The following CSMD3 variants were observed in gnomAD, a reference collection of about 807,000 sequenced individuals.
CSMD3 encodes CUB and sushi domain-containing protein 3.
In CSMD3, 177 loss-of-function variants were observed where a neutral mutation model predicts 435.2. The observed-to-expected ratio is 0.41, with a 90% CI of 0.36 to 0.46. The LOEUF (loss-of-function observed/expected upper bound fraction) is 0.46. Among genes scored for constraint, CSMD3 ranks in the 20% least tolerant of loss-of-function variants. The pLI, the probability that CSMD3 is intolerant of heterozygous loss-of-function variation, is 0.34. For missense variants in CSMD3, 4,265 were observed against 4,504.6 expected (o/e 0.95, Z 1.52); for synonymous variants, 1,656 against 1,520.5 (o/e 1.09, Z -2.07).
chr8:112,985,188 T>C (rs1564179331), intron 6 of CSMD3, among the ~76,000 whole-genome samples: 1 of 152,094 alleles, frequency 6.6e-6, no homozygotes, highest in Non-Finnish European at 1.5e-5. Context: ...AGGAAGACTT[T>C]CTAGTTGAAG....
intron 4 of CSMD3, among the ~76,000 whole-genome samples, chr8:113,132,083 T>G (rs866403273): frequency 3.2e-4 from 49 of 152,280 alleles, no homozygotes; most frequent in Non-Finnish European, 5.4e-4. Context: ...TTTTCCTTTT[T>G]GTAGCAGAGG....
intron 1 of CSMD3, among the ~76,000 whole-genome samples, chr8:113,380,465 AAGAATT>A (rs1377550761): frequency 6.6e-6 from 1 of 152,206 alleles, no homozygotes; most frequent in Non-Finnish European, 1.5e-5. Context: ...AAAAAAAAGA[AAGAATT>A]AGAAAAATAT....
chr8:113,221,203 T>C (rs2092962305), intron 3 of CSMD3, among the ~76,000 whole-genome samples: 1 of 151,322 alleles, frequency 6.6e-6, no homozygotes, highest in African/African-American at 2.4e-5. Context: ...TAGTATTGTA[T>C]TGATATTAAA....
chr8:112,824,021 T>C (rs571719340), intron 12 of CSMD3, among the ~76,000 whole-genome samples: 9 of 152,334 alleles, frequency 5.9e-5, no homozygotes, highest in African/African-American at 1.7e-4. Flanking sequence ...CAGGTGCATA[T>C]ATATTTAGGA....
intron 10 of CSMD3, among the ~76,000 whole-genome samples, chr8:112,874,725 C>T (rs2081232080): frequency 6.6e-6 from 1 of 151,928 alleles, no homozygotes; most frequent in South Asian, 2.1e-4. Context: ...GATTGCAACC[C>T]CTGCTTTTTT....
chr8:112,872,572 T>C (rs916646517), intron 10 of CSMD3, among the ~76,000 whole-genome samples: 18 of 152,014 alleles, frequency 1.2e-4, no homozygotes, highest in South Asian at 2.1e-4. Context: ...TTCATTTTTT[T>C]CTAGTTCTTT....
At chr8:112,799,834 T>C (rs2078919562) in intron 13 of CSMD3, among the ~76,000 whole-genome samples, 1 of 151,930 alleles carries the variant, frequency 6.6e-6, no homozygotes, top group African/African-American at 2.4e-5. Flanking sequence ...GTAGAATCTT[T>C]GCCAGGAAAA....
chr8:112,456,523 G>A (rs1327700965), intron 32 of CSMD3, among the ~76,000 whole-genome samples: 4 of 151,988 alleles, frequency 2.6e-5, no homozygotes, highest in African/African-American at 9.7e-5. Context: ...AAAAATACCT[G>A]TTTAGTAGTA....
intron 36 of CSMD3, among the ~76,000 whole-genome samples, chr8:112,386,620 C>T (rs1025542812): frequency 7.2e-5 from 11 of 152,102 alleles, no homozygotes; most frequent in African/African-American, 1.4e-4. Flanking sequence ...GCCTCAGCCT[C>T]CCGAGTAGCT....
intron 10 of CSMD3, among the ~76,000 whole-genome samples, chr8:112,906,854 T>C (rs891400854): frequency 6.6e-6 from 1 of 151,542 alleles, no homozygotes; most frequent in Non-Finnish European, 1.5e-5. Context: ...GTTTGCACAT[T>C]CAGATGTAAA....
intron 68 of CSMD3, 40 bp downstream of exon 68, chr8:112,234,325 C>T (rs2129939691): frequency 7.6e-7 from 1 of 1,309,842 alleles, no homozygotes; most frequent in Non-Finnish European, 1.1e-6. Flanking sequence ...ACAAATTTAT[C>T]ATTAAAATCA....
chr8:112,251,807 C>T (rs1174542778), intron 63 of CSMD3, among the ~76,000 whole-genome samples: 1 of 151,724 alleles, frequency 6.6e-6, no homozygotes, highest in Non-Finnish European at 1.5e-5. Flanking sequence ...AGTGATACAG[C>T]AGTGTGTATG....
chr8:112,876,824 G>T (rs1476254349), intron 10 of CSMD3, among the ~76,000 whole-genome samples: 1 of 152,112 alleles, frequency 6.6e-6, no homozygotes, highest in African/African-American at 2.4e-5. Context: ...AATTGTCTCT[G>T]TTTGCAGATG....
intron 6 of CSMD3, among the ~76,000 whole-genome samples, chr8:112,987,286 A>T (rs986265218): frequency 6.6e-6 from 1 of 152,246 alleles, no homozygotes. Context: ...ACCTTTATAA[A>T]GGTAATGAAA....
intron 13 of CSMD3, among the ~76,000 whole-genome samples, chr8:112,753,239 G>A (rs1474384939): frequency 1.3e-5 from 2 of 152,018 alleles, no homozygotes; most frequent in Non-Finnish European, 2.9e-5. Context: ...AAATAAAAAT[G>A]GAAAATGACA....
chr8:112,410,968 A>C (rs1811266035), intron 32 of CSMD3, among the ~76,000 whole-genome samples: 1 of 149,736 alleles, frequency 6.7e-6, no homozygotes, highest in Non-Finnish European at 1.5e-5. Context: ...GAAATCATTA[A>C]GGAAAAGTAC....
intron 2 of CSMD3, among the ~76,000 whole-genome samples, chr8:113,301,727 T>C (rs1010316876): frequency 1.1e-4 from 16 of 152,170 alleles, no homozygotes; most frequent in Non-Finnish European, 2.1e-4. Flanking sequence ...CTTAATTATA[T>C]ATATTTTTAT....
At position 112,559,323 on chromosome 8, in the gene CSMD3, G is replaced by A. The variant is rs145147334; in HGVS notation, c.4043-2369C>T. Among the ~76,000 whole-genome samples, 540 of 151,970 alleles carry A rather than the reference G, an allele frequency of 3.6e-3. 2 individuals are homozygous for A. The highest frequency in any genetic ancestry group is 0.013 in the African/African-American group (519 of 41,506). On this transcript the variant is annotated intron_variant, in intron 24 of 70. Coordinates refer to ENST00000297405, the MANE Select transcript of CSMD3 (RefSeq NM_198123.2). ...AATAGATATATTTACATTACAAAAG[G>A]TTAGAGTAAGAACACATGATCCTTT...
At chr8:112,274,070 G>A (rs976523956) in intron 59 of CSMD3, among the ~76,000 whole-genome samples, 1 of 151,998 alleles carries the variant, frequency 6.6e-6, no homozygotes, top group Non-Finnish European at 1.5e-5. Flanking sequence ...GAGTTTTAAA[G>A]GCTACGGTGG....
Sources: allele counts gnomAD v4.1 joint callset (sites outside exome capture counted in the v4.1 genomes callset), GRCh38; gene constraint gnomAD v4.1.1; transcripts MANE v1.5; gene names NCBI Gene and HGNC (gene_info 2026-07-23, HGNC 2026-07-21).